ZNF407: variants seen among roughly 807,000 people sequenced by gnomAD.
The protein encoded by ZNF407 is zinc finger protein 407.
ZNF407 carries 17 observed loss-of-function variants against 131.2 expected under a neutral mutation model. The observed-to-expected ratio is 0.13, with a 90% confidence interval of 0.09 to 0.19. The LOEUF (loss-of-function observed/expected upper bound fraction) is 0.19, where lower values mean the gene tolerates loss of function less well. ZNF407 is among the 10% of genes least tolerant of loss of function. ZNF407 has a pLI of 1.00. For missense variants in ZNF407, 2,681 were observed against 2,830.6 expected, an observed-to-expected ratio of 0.95 and a Z score of 1.20; for synonymous variants, 1,156 against 1,062.0, an observed-to-expected ratio of 1.09 and a Z score of -1.72.
In ZNF407 at chr18:74,635,814, C is replaced by A; in HGVS notation, c.4687+108C>A. On this transcript the variant is annotated intron_variant, in intron 2 of 8. Coordinates refer to ENST00000299687, the MANE Select transcript of ZNF407 (RefSeq NM_017757.3). The surrounding 1 kb of genome is among the most constrained non-coding windows in gnomAD (Gnocchi z 4.7). ...GCTCATTGGCTTTCCACCCGGTTCACATTTCACTGCCGTGTGCTGCTCTGC... is the reference window on the plus strand; with the variant it reads ...GCTCATTGGCTTTCCACCCGGTTCAAATTTCACTGCCGTGTGCTGCTCTGC... 1 of 1,423,750 alleles carries A rather than the reference C, an allele frequency of 7.0e-7. No individual in the cohort carries two copies. The highest frequency in any genetic ancestry group is 9.4e-7 in the Non-Finnish European group (1 of 1,059,286). 88.2% of individuals were successfully genotyped at this position (1,423,750 alleles called of 1,614,324 possible). A position where few individuals can be genotyped will look rare whatever the true frequency, so the allele number is the denominator to read the frequency against.
In ZNF407 at chr18:75,063,253, C is replaced by T. The variant is rs528811011; in HGVS notation, c.5532C>T (p.Leu1844=). The change falls in exon 9 of 9, where the codon CTC becomes CTT. Residue 1844 remains leucine, a synonymous_variant. Transcript: ENST00000299687. The surrounding 1 kb of genome is among the most constrained non-coding windows in gnomAD (Gnocchi z 6.6). ...CGGCGGCCTTGGCAGAAGAGCCCCTCGTCAAGGAGAAGCCCCTCAGAAGCA... is the reference window on the plus strand; with the variant it reads ...CGGCGGCCTTGGCAGAAGAGCCCCTTGTCAAGGAGAAGCCCCTCAGAAGCA... The part of the protein sequence containing the change: ...FTAAALAEEP[L]VKEKPLRSSR... 5.6e-6 allele frequency: 9 copies of T among 1,613,608 alleles called. No individual in the cohort carries two copies. The highest frequency in any genetic ancestry group is 3.3e-5 in the South Asian group (3 of 91,078).
At chr18:74,983,556 G>T (rs1237855547) in intron 8 of ZNF407, among the ~76,000 whole-genome samples, 2 of 152,154 alleles carry the variant, frequency 1.3e-5, no homozygotes, top group Non-Finnish European at 2.9e-5. Context: ...TGATTTATGA[G>T]TCAGTCGGTC....
At chr18:74,853,533 A>C (rs117604652) in intron 4 of ZNF407, among the ~76,000 whole-genome samples, 1 of 152,190 alleles carries the variant, frequency 6.6e-6, no homozygotes, top group South Asian at 2.1e-4. Flanking sequence ...TTGTAATTGA[A>C]TAGTTATTCT....
At chr18:74,782,814 T>C (rs978704670) in intron 4 of ZNF407, among the ~76,000 whole-genome samples, 7 of 152,094 alleles carry the variant, frequency 4.6e-5, no homozygotes, top group African/African-American at 1.7e-4. Flanking sequence ...AGAGACGGGG[T>C]TTCACTGTGT....
In ZNF407 at chr18:75,064,393, C is replaced by G. The variant is rs1202965491; in HGVS notation, c.6672C>G (p.Ile2224Met). 1 of 1,561,934 alleles carries G rather than the reference C, an allele frequency of 6.4e-7. No homozygotes were observed. Among genetic ancestry groups the G allele is most frequent in the Admixed American group, 1.9e-5 (1 of 52,648 alleles). ...SRAEQLASVV[I>M]YTQEGSSAAA... is the part of the protein sequence containing the mutation. ...CAGAGCAGCTGGCCAGCGTGGTCAT[C>G]TACACCCAGGAGGGCTCCTCGGCCG... is the stretch of plus-strand genomic sequence containing the variant. Residue 2224 changes from isoleucine to methionine, a missense_variant, in exon 9 of 9, where the codon ATC becomes ATG. Transcript: ENST00000299687.
chr18:74,651,014 T>C (rs952670959), intron 3 of ZNF407, among the ~76,000 whole-genome samples: 1 of 152,132 alleles, frequency 6.6e-6, no homozygotes, highest in African/African-American at 2.4e-5. Context: ...AGGGTAAAGA[T>C]AGAAATTTTG....
intron 1 of ZNF407, among the ~76,000 whole-genome samples, chr18:74,599,994 G>A (rs560637433): frequency 1.3e-5 from 2 of 152,316 alleles, no homozygotes; most frequent in African/African-American, 4.8e-5. Flanking sequence ...ATTAAGTAAT[G>A]CATTCAGGAA....
intron 3 of ZNF407, among the ~76,000 whole-genome samples, chr18:74,770,386 G>A (rs1232486805): frequency 6.6e-6 from 1 of 152,008 alleles, no homozygotes; most frequent in East Asian, 1.9e-4. Flanking sequence ...AACAGAGGGA[G>A]TCCCTGTCTC....
intron 3 of ZNF407, among the ~76,000 whole-genome samples, chr18:74,738,116 T>TG (rs917286826): frequency 2.6e-5 from 4 of 152,080 alleles, no homozygotes; most frequent in Non-Finnish European, 5.9e-5. Context: ...CTATATTCAC[T>TG]GTTCAATTAA....
chr18:74,708,556 G>T (rs1967681439), intron 3 of ZNF407, among the ~76,000 whole-genome samples: 1 of 152,324 alleles, frequency 6.6e-6, no homozygotes, highest in African/African-American at 2.4e-5. Flanking sequence ...AAGACCCAAA[G>T]AACTGTGGCC....
At chr18:74,914,900 A>C (rs1971725957) in intron 7 of ZNF407, among the ~76,000 whole-genome samples, 1 of 152,208 alleles carries the variant, frequency 6.6e-6, no homozygotes, top group South Asian at 2.1e-4. Context: ...TTTCTCCTTC[A>C]TTCAGAGATG....
intron 3 of ZNF407, among the ~76,000 whole-genome samples, chr18:74,758,472 C>A (rs1355028167): frequency 6.6e-6 from 1 of 152,106 alleles, no homozygotes; most frequent in African/African-American, 2.4e-5. Context: ...TGTCCTGTTA[C>A]TGTCATATAA....
At chr18:75,030,797 A>G (rs1044115660) in intron 8 of ZNF407, among the ~76,000 whole-genome samples, 4 of 152,122 alleles carry the variant, frequency 2.6e-5, no homozygotes, top group Admixed American at 6.5e-5. Context: ...AACGGGCCCC[A>G]GCCCCCACCC....
chr18:74,822,145 T>C (rs1316376902), intron 4 of ZNF407, among the ~76,000 whole-genome samples: 1 of 152,102 alleles, frequency 6.6e-6, no homozygotes, highest in Non-Finnish European at 1.5e-5. Context: ...ATTTAAGTTC[T>C]TTGTAGATTC....
intron 8 of ZNF407, among the ~76,000 whole-genome samples, chr18:75,036,887 A>G (rs1217603906): frequency 6.6e-6 from 1 of 152,034 alleles, no homozygotes; most frequent in Non-Finnish European, 1.5e-5. Context: ...AAGTATTTCC[A>G]CTCTTTTGGG....
intron 4 of ZNF407, among the ~76,000 whole-genome samples, chr18:74,788,231 A>G (rs1460847393): frequency 6.6e-6 from 1 of 152,238 alleles, no homozygotes; most frequent in Non-Finnish European, 1.5e-5. Flanking sequence ...ATCAAAGCTC[A>G]TGTAATTCAA....
chr18:74,607,906 C>G (rs1451535786), intron 1 of ZNF407, among the ~76,000 whole-genome samples: 1 of 152,202 alleles, frequency 6.6e-6, no homozygotes, highest in East Asian at 1.9e-4. Context: ...ATCCCAATCA[C>G]AGGCTCTTCC....
intron 5 of ZNF407, among the ~76,000 whole-genome samples, chr18:74,880,652 G>A (rs907805008): frequency 1.3e-5 from 2 of 152,158 alleles, no homozygotes; most frequent in Admixed American, 1.3e-4. Context: ...CATATATACT[G>A]TATATTAACT....
chr18:74,920,676 C>T lies in ZNF407; in HGVS notation c.5412C>T (p.Leu1804=), dbSNP rs375878133. Residue 1804 remains leucine (L), a synonymous_variant, in exon 8 of 9, where the codon CTC becomes CTT. Transcript: ENST00000299687. ...ATCCTGACATCGAAAACCCGGACCT[C>T]GCTTACCTGCATGCTGGTAAGGGAC... is the stretch of plus-strand genomic sequence containing the variant. The part of the protein sequence containing the change: ...EQHPDIENPD[L]AYLHAGIVSK... 49 of 1,606,196 alleles carry T rather than the reference C, an allele frequency of 3.1e-5. No individual in the cohort carries two copies. The African/African-American group carries it at 3.7e-4, about 12-fold the overall frequency.
Sources: gnomAD v4.1 joint callset for allele counts (sites outside exome capture counted in the v4.1 genomes callset) on GRCh38, gnomAD v4.1.1 for gene constraint, Gnocchi (gnomAD v3.1) non-coding constraint, MANE v1.5 for transcripts, NCBI Gene and HGNC (gene_info 2026-07-23, HGNC 2026-07-21) for gene names.